The following SMOC1 variants were observed in gnomAD, a reference collection of about 807,000 sequenced individuals.
SMOC1 encodes the protein SPARC-related modular calcium-binding protein 1.
SMOC1 carries 22 observed loss-of-function variants against 56.3 expected under a neutral mutation model. That is an observed-to-expected ratio of 0.39 (90% CI 0.28 to 0.56). The LOEUF (loss-of-function observed/expected upper bound fraction) is 0.56, where lower values mean the gene tolerates loss of function less well. SMOC1 is among the 20% of genes least tolerant of loss of function. The probability of loss-of-function intolerance (pLI) is 0.61; values close to 1 mark genes in which losing one functional copy is unlikely to be tolerated. For synonymous variants in SMOC1, 193 were observed against 215.0 expected, an observed-to-expected ratio of 0.90 and a Z score of 0.89; for missense variants, 509 against 565.4, an observed-to-expected ratio of 0.90 and a Z score of 1.01.
chr14:69,992,530 A>G, intron 6 of SMOC1, 57 bp downstream of exon 6: 1 of 1,336,316 alleles, frequency 7.5e-7, no homozygotes, highest in Non-Finnish European at 1.1e-6. Flanking sequence ...AGGTTTGGGA[A>G]AAGTCTTAAC....
At chr14:69,984,147 A>C (rs1884278140) in intron 5 of SMOC1, among the ~76,000 whole-genome samples, 1 of 152,212 alleles carries the variant, frequency 6.6e-6, no homozygotes, top group Non-Finnish European at 1.5e-5. Context: ...ATGGAACAGA[A>C]TAGAGGACCC....
In SMOC1 at chr14:70,023,265, A is replaced by G. The variant is rs941567774; in HGVS notation, c.1109A>G (p.Gln370Arg). ...CGGGTAGTGCACTGGTATTTCAGCC[A>G]GCTGGACAGCAATAGCAGCAACGAC... ...EERVVHWYFSQLDSNSSNDIN... is the reference protein window; with the variant it reads ...EERVVHWYFSRLDSNSSNDIN... The change falls in exon 11 of 12, where the codon CAG becomes CGG. Residue 370 changes from glutamine to arginine, a missense_variant. Physicochemically the swap from Gln to Arg is conservative, Grantham distance 43 (BLOSUM62 1). Around this residue, in one of 3 missense-constraint regions of SMOC1, gnomAD observed 176 missense variants for 188.1 expected, o/e 0.94. Coordinates refer to ENST00000361956, the MANE Select transcript of SMOC1 (RefSeq NM_001034852.3). 1.2e-6 allele frequency: 2 copies of G among 1,614,180 alleles called. No individual in the cohort carries two copies. Among genetic ancestry groups the G allele is most frequent in the Middle Eastern group, 1.6e-4 (1 of 6,062 alleles).
intron 3 of SMOC1, among the ~76,000 whole-genome samples, chr14:69,974,328 A>G (rs1883881066): frequency 6.6e-6 from 1 of 151,938 alleles, no homozygotes; most frequent in African/African-American, 2.4e-5. Context: ...ATCACAAAGG[A>G]GGAGGGGAAT....
At chr14:70,011,905 A>G (rs995199020) in intron 9 of SMOC1, among the ~76,000 whole-genome samples, 2 of 152,184 alleles carry the variant, frequency 1.3e-5, no homozygotes, top group African/African-American at 4.8e-5. Context: ...AAGATAGCTT[A>G]TAGGGAGGGG....
intron 1 of SMOC1, among the ~76,000 whole-genome samples, chr14:69,902,637 T>C (rs1884275504): frequency 6.6e-6 from 1 of 152,116 alleles, no homozygotes; most frequent in South Asian, 2.1e-4. Context: ...TCCCTCTCCC[T>C]CTCTTTCCAC....
At chr14:69,922,751 ATGGTGTGTGTGTG>A (rs973602728) in intron 1 of SMOC1, among the ~76,000 whole-genome samples, 3 of 151,874 alleles carry the variant, frequency 2.0e-5, no homozygotes, top group Non-Finnish European at 2.9e-5. Flanking sequence ...TTGGGTGTGT[ATGGTGTGTGTGTG>A]TGGTGTGTGT....
chr14:69,968,119 G>A (rs529265587), intron 3 of SMOC1, among the ~76,000 whole-genome samples: 1 of 152,290 alleles, frequency 6.6e-6, no homozygotes, highest in African/African-American at 2.4e-5. Flanking sequence ...GGGTCACAAG[G>A]CCCCTTGTTC....
intron 1 of SMOC1, among the ~76,000 whole-genome samples, chr14:69,898,100 C>G (rs1594791313): frequency 6.6e-6 from 1 of 152,154 alleles, no homozygotes; most frequent in Non-Finnish European, 1.5e-5. Flanking sequence ...AGTATTTCAC[C>G]ACACTCTATT....
rs556345769 is a variant in SMOC1, at chr14:69,919,916, C to A, written c.100-32222C>A. Among the ~76,000 whole-genome samples, 16 of 150,298 alleles carry A rather than the reference C, an allele frequency of 1.1e-4. No individual in the cohort carries two copies. The East Asian group carries it at 1.6e-3, about 15-fold the overall frequency. On this transcript the variant is annotated intron_variant, in intron 1 of 11. Coordinates refer to ENST00000361956, the MANE Select transcript of SMOC1 (RefSeq NM_001034852.3). Reference sequence around the variant, plus strand: ...TCATCCTATGAACACAAATACCCCCCCCCCCCTTTCTCCCCTGGAGTAGGG... The same window carrying A: ...TCATCCTATGAACACAAATACCCCCACCCCCCTTTCTCCCCTGGAGTAGGG...
At chr14:69,924,987 AGGGGAGG>A (rs1884966985) in intron 1 of SMOC1, among the ~76,000 whole-genome samples, 1 of 20,780 alleles carries the variant, frequency 4.8e-5, no homozygotes, top group Non-Finnish European at 9.8e-5. Context: ...GAGGAGAGGT[AGGGGAGG>A]TAGGGGAGGT....
At position 70,015,097 on chromosome 14, in the gene SMOC1, G is replaced by A. The variant is rs1170155960; in HGVS notation, c.1046+1606G>A. On this transcript the variant is annotated intron_variant, in intron 10 of 11. Transcript: ENST00000361956. ...ATGGATGACTAGATAAAGAACATGC[G>A]GTATTTGTATACAGTGGAGTAATAT... is the stretch of plus-strand genomic sequence containing the variant. 1.2e-4 allele frequency among the ~76,000 whole-genome samples: 18 copies of A among 152,274 alleles called. No individual in the cohort carries two copies. In the East Asian group the frequency reaches 1.9e-3, roughly 16 times the overall value.
intron 1 of SMOC1, among the ~76,000 whole-genome samples, chr14:69,888,419 G>T (rs1883869115): frequency 6.6e-6 from 1 of 152,174 alleles, no homozygotes; most frequent in South Asian, 2.1e-4. Flanking sequence ...ACGTCACCTT[G>T]GTTGATTTCA....
At chr14:70,027,456 G>T (rs776899259) in intron 11 of SMOC1, among the ~76,000 whole-genome samples, 2 of 152,198 alleles carry the variant, frequency 1.3e-5, no homozygotes, top group African/African-American at 4.8e-5. Context: ...GTTGCAGGGG[G>T]TGAGGGTGCC....
At chr14:70,028,153 T>C (rs1000609330) in intron 11 of SMOC1, among the ~76,000 whole-genome samples, 2 of 152,222 alleles carry the variant, frequency 1.3e-5, no homozygotes, top group African/African-American at 4.8e-5. Flanking sequence ...GACTCCTCCC[T>C]GGAGAGCTGA....
chr14:69,961,276 A>ATG (rs1368561463), intron 3 of SMOC1, among the ~76,000 whole-genome samples: 7 of 34,770 alleles, frequency 2.0e-4, no homozygotes, highest in Admixed American at 3.3e-4. Context: ...TATTGTGTAT[A>ATG]TATATATATA....
intron 3 of SMOC1, among the ~76,000 whole-genome samples, chr14:69,972,700 A>G (rs2139493532): frequency 6.6e-6 from 1 of 152,264 alleles, no homozygotes; most frequent in African/African-American, 2.4e-5. Context: ...ACTCAGTGAG[A>G]ATGTGGCCCT....
intron 3 of SMOC1, among the ~76,000 whole-genome samples, chr14:69,959,450 G>C (rs971061856): frequency 6.6e-6 from 1 of 152,058 alleles, no homozygotes; most frequent in Non-Finnish European, 1.5e-5. Flanking sequence ...ACAGATTATA[G>C]TTCTAATAAT....
chr14:69,881,370 A>G (rs897119965), intron 1 of SMOC1, among the ~76,000 whole-genome samples: 1 of 152,046 alleles, frequency 6.6e-6, no homozygotes, highest in Non-Finnish European at 1.5e-5. Flanking sequence ...AGGCCCTGAG[A>G]CAAATGGTGG....
At chr14:69,893,934 T>C (rs1884029293) in intron 1 of SMOC1, among the ~76,000 whole-genome samples, 3 of 152,092 alleles carry the variant, frequency 2.0e-5, no homozygotes, top group Admixed American at 2.0e-4. Flanking sequence ...AGAGAAAAAC[T>C]AGGGACATGA....
Sources: gnomAD v4.1 joint callset for allele counts (sites outside exome capture counted in the v4.1 genomes callset) on GRCh38, gnomAD v4.1.1 for gene constraint, gnomAD v4.1.1 regional missense constraint, MANE v1.5 for transcripts, NCBI Gene and HGNC (gene_info 2026-07-23, HGNC 2026-07-21) for gene names.